PTGER3: variants seen among roughly 807,000 people sequenced by gnomAD.
PTGER3 encodes the protein prostaglandin E receptor 3.
PTGER3 carries 22 observed loss-of-function variants against 34.7 expected under a neutral mutation model. The ratio of observed to expected loss-of-function variants is 0.63; its 90% CI spans 0.45 to 0.91. PTGER3 has a LOEUF of 0.91. Among genes scored for constraint, PTGER3 ranks in the 40% least tolerant of loss-of-function variants. The pLI is 0.00. For missense variants in PTGER3, 468 were observed against 519.4 expected (o/e 0.90, Z 0.96); for synonymous variants, 241 against 230.1 (o/e 1.05, Z -0.43).
At chr1:70,876,324 G>T (rs1646272551) in intron 4 of PTGER3, among the ~76,000 whole-genome samples, 1 of 150,012 alleles carries the variant, frequency 6.7e-6, no homozygotes, top group Non-Finnish European at 1.5e-5. Flanking sequence ...GTTCCCTGTA[G>T]ATTCTGGATA....
At chr1:70,901,246 G>T (rs1426563919) in intron 4 of PTGER3, among the ~76,000 whole-genome samples, 3 of 152,168 alleles carry the variant, frequency 2.0e-5, no homozygotes, top group African/African-American at 7.2e-5. Context: ...ACAAATCTAA[G>T]CTGTCCCTAA....
intron 4 of PTGER3, among the ~76,000 whole-genome samples, chr1:70,880,187 G>A (rs909374102): frequency 1.3e-5 from 2 of 152,042 alleles, no homozygotes; most frequent in African/African-American, 4.8e-5. Context: ...TAGTGTCAAC[G>A]ACCTATATGC....
Position 70,907,685 on chromosome 1 carries a change from C to A in PTGER3, c.*23+46078G>T, listed in dbSNP as rs1250678657. ...TGTCCGGGGGAGCAACTAAATTACA[C>A]AAATTGGCAGCTAAGTCCCACATAT... is the stretch of plus-strand genomic sequence containing the variant. On this transcript the variant is annotated intron_variant, in intron 4 of 4. Coordinates refer to the PTGER3 transcript ENST00000370931. Among the ~76,000 whole-genome samples, 4 of 152,206 alleles carry A rather than the reference C, an allele frequency of 2.6e-5. No homozygotes were observed. The East Asian group carries it at 7.7e-4, about 29-fold the overall frequency.
chr1:70,990,786 A>G (rs943661204), intron 2 of PTGER3, among the ~76,000 whole-genome samples: 7 of 152,226 alleles, frequency 4.6e-5, no homozygotes, highest in Middle Eastern at 3.4e-3. Flanking sequence ...GGCTGGAACT[A>G]AAATATTTAA....
chr1:70,972,315 C>T (rs1230614371), intron 3 of PTGER3, among the ~76,000 whole-genome samples: 2 of 151,898 alleles, frequency 1.3e-5, no homozygotes, highest in Non-Finnish European at 2.9e-5. Flanking sequence ...GAGCGAGACT[C>T]CATCTCAAAA....
chr1:70,988,826 A>T (rs777467726), intron 2 of PTGER3, among the ~76,000 whole-genome samples: 1 of 152,210 alleles, frequency 6.6e-6, no homozygotes, highest in Non-Finnish European at 1.5e-5. Context: ...AATTCTGAGC[A>T]GTTATCAAGA....
intron 3 of PTGER3, among the ~76,000 whole-genome samples, chr1:70,973,176 CAGAT>C (rs1268140248): frequency 3.4e-5 from 5 of 145,542 alleles, no homozygotes; most frequent in Admixed American, 6.9e-5. Flanking sequence ...GATAGATAGA[CAGAT>C]AGATACATAG....
chr1:70,984,812 A>T (rs547845635), intron 2 of PTGER3, among the ~76,000 whole-genome samples: 1 of 152,334 alleles, frequency 6.6e-6, no homozygotes, highest in African/African-American at 2.4e-5. Flanking sequence ...GGAAAAAAAT[A>T]AGAAAAAGAT....
rs1198741703 is a variant in PTGER3 at position 70,974,403 on chromosome 1, A to C, written c.1078-15T>G. The C allele has an allele frequency of 8.0e-6, 7 of 877,488 alleles. No homozygotes were observed. The Admixed American group carries it at 1.0e-4, about 13-fold the overall frequency. The allele number at this position is 877,488 out of a possible 1,614,324, so 54.4% of individuals were successfully genotyped here. The stretch of plus-strand genomic sequence containing the variant: ...TGGTACCTGATCTGTGAACAGACAG[A>C]GGATTTCACAGGACACTTCCTTGAG... On this transcript the variant is annotated splice_polypyrimidine_tract_variant and intron_variant, in intron 2 of 3. Coordinates refer to ENST00000306666, the MANE Select transcript of PTGER3 (RefSeq NM_198719.2).
chr1:70,983,171 GAC>G lies in PTGER3; in HGVS notation c.1078-8785_1078-8784del, dbSNP rs558072163. The stretch of plus-strand genomic sequence containing the variant: ...AATGCAAAACCATAGCCCAGAGAGA[GAC>G]CTGTCAGGTGACAGCCAGAACCTAA... On this transcript the variant is annotated intron_variant, in intron 2 of 3. Coordinates refer to ENST00000306666, the MANE Select transcript of PTGER3 (RefSeq NM_198719.2). 3.0e-4 allele frequency among the ~76,000 whole-genome samples: 45 copies of G among 151,936 alleles called. No homozygotes were observed. In the South Asian group the frequency reaches 9.2e-3, roughly 31 times the overall value.
At chr1:70,920,335 G>T (rs925030221) in intron 4 of PTGER3, among the ~76,000 whole-genome samples, 1 of 152,112 alleles carries the variant, frequency 6.6e-6, no homozygotes, top group African/African-American at 2.4e-5. Flanking sequence ...CCTTTCAATA[G>T]GCTGGAGAAA....
At chr1:70,977,974 T>C (rs1337362846) in intron 2 of PTGER3, among the ~76,000 whole-genome samples, 1 of 152,144 alleles carries the variant, frequency 6.6e-6, no homozygotes, top group Non-Finnish European at 1.5e-5. Context: ...GTTCAAACAC[T>C]TTACAAATAA....
chr1:71,010,831 G>T (rs1657376478), intron 2 of PTGER3: 2 of 984,656 alleles, frequency 2.0e-6, no homozygotes, highest in Admixed American at 1.2e-4. Flanking sequence ...ACATAGGCTG[G>T]TGTATATATC....
intron 2 of PTGER3, among the ~76,000 whole-genome samples, chr1:70,955,860 A>G (rs1165702396): frequency 2.0e-5 from 3 of 152,156 alleles, no homozygotes; most frequent in Non-Finnish European, 2.9e-5. Context: ...ATCACTATGC[A>G]CAATTATACA....
At chr1:70,919,092 T>C (rs759433863) in intron 4 of PTGER3, among the ~76,000 whole-genome samples, 1 of 152,104 alleles carries the variant, frequency 6.6e-6, no homozygotes, top group Non-Finnish European at 1.5e-5. Context: ...AAGTAGGCCA[T>C]TTGTAAAGCA....
intron 4 of PTGER3, among the ~76,000 whole-genome samples, chr1:70,917,564 A>G (rs1647209084): frequency 6.6e-6 from 1 of 151,950 alleles, no homozygotes; most frequent in Admixed American, 6.6e-5. Flanking sequence ...TTCTTTGGAT[A>G]TATACCCAGT....
chr1:71,006,404 C>T, intron 2 of PTGER3: 1 of 985,316 alleles, frequency 1.0e-6, no homozygotes, highest in Non-Finnish European at 1.2e-6. Flanking sequence ...CTGGGGATCC[C>T]AGTATTCATA....
chr1:70,937,220 A>T (rs1649307262), intron 4 of PTGER3, among the ~76,000 whole-genome samples: 1 of 152,204 alleles, frequency 6.6e-6, no homozygotes, highest in African/African-American at 2.4e-5. Flanking sequence ...GAAATTACTT[A>T]TGGCAGTTGA....
intron 4 of PTGER3, among the ~76,000 whole-genome samples, chr1:70,892,100 C>A (rs1355224213): frequency 1.3e-5 from 2 of 152,138 alleles, no homozygotes; most frequent in African/African-American, 4.8e-5. Flanking sequence ...ACTATGTAAC[C>A]TCTTGTGAAA....
Sources: allele counts gnomAD v4.1 joint callset (sites outside exome capture counted in the v4.1 genomes callset), GRCh38; gene constraint gnomAD v4.1.1; transcripts MANE v1.5; gene names NCBI Gene and HGNC (gene_info 2026-07-23, HGNC 2026-07-21).